The following NAALADL2 variants were observed in gnomAD, a reference collection of about 807,000 sequenced individuals.
NAALADL2 encodes the protein inactive N-acetylated-alpha-linked acidic dipeptidase-like protein 2.
Under a neutral mutation model 87.2 loss-of-function variants are expected in NAALADL2, and 76 were observed. That is an observed-to-expected ratio of 0.87 (90% CI 0.72 to 1.05). The LOEUF (loss-of-function observed/expected upper bound fraction) is 1.05, where lower values mean the gene tolerates loss of function less well. Among genes scored for constraint, NAALADL2 ranks in the 50% least tolerant of loss-of-function variants. The probability of loss-of-function intolerance (pLI) is 0.00; values close to 1 mark genes in which losing one functional copy is unlikely to be tolerated. For missense variants in NAALADL2, 1,089 were observed against 945.8 expected (o/e 1.15, Z -1.99); for synonymous variants, 354 against 331.0 (o/e 1.07, Z -0.75).
At chr3:174,881,167 C>G (rs144835872) in intron 1 of NAALADL2, among the ~76,000 whole-genome samples, 2 of 152,070 alleles carry the variant, frequency 1.3e-5, no homozygotes, top group Non-Finnish European at 2.9e-5. Context: ...GTGGACATAT[C>G]CTTTGAGGAG....
In NAALADL2 at chr3:175,133,470, G is replaced by A. The variant is rs193302149; in HGVS notation, c.545+36179G>A. Reference sequence around the variant, plus strand: ...TGAACCAGACTCCGTCTGCAATCCCGGCACCTTGGGATGCCGAGGCTGGCG... The same window carrying A: ...TGAACCAGACTCCGTCTGCAATCCCAGCACCTTGGGATGCCGAGGCTGGCG... On this transcript the variant is annotated intron_variant, in intron 2 of 13. Coordinates refer to ENST00000454872, the MANE Select transcript of NAALADL2 (RefSeq NM_207015.3). Among the ~76,000 whole-genome samples, 1,054 of 152,340 alleles carry A rather than the reference G, an allele frequency of 6.9e-3. 12 individuals are homozygous for A. Among genetic ancestry groups the A allele is most frequent in the African/African-American group, 0.024 (1,000 of 41,578 alleles).
At chr3:175,206,829 A>G (rs761001860) in intron 2 of NAALADL2, among the ~76,000 whole-genome samples, 3 of 152,138 alleles carry the variant, frequency 2.0e-5, no homozygotes, top group Non-Finnish European at 2.9e-5. Flanking sequence ...AATCCTTCCA[A>G]TCTGTTTAGC....
rs186604581 is a variant in NAALADL2, at chr3:174,882,691, G to A, written c.43+23241G>A. On this transcript the variant is annotated intron_variant, in intron 1 of 13. Coordinates refer to ENST00000454872, the MANE Select transcript of NAALADL2 (RefSeq NM_207015.3). Reference sequence around the variant, plus strand: ...TACACATATGTGTATATGTGTATCCGTGTATATACATGTGTATCTACACAT... The same window carrying A: ...TACACATATGTGTATATGTGTATCCATGTATATACATGTGTATCTACACAT... Among the ~76,000 whole-genome samples, 213 of 145,970 alleles carry A rather than the reference G, an allele frequency of 1.5e-3. 2 individuals carry two copies. The highest frequency in any genetic ancestry group is 2.3e-3 in the Non-Finnish European group (152 of 66,136).
At chr3:175,764,220 T>A (rs1017425466) in intron 13 of NAALADL2, among the ~76,000 whole-genome samples, 3 of 151,938 alleles carry the variant, frequency 2.0e-5, no homozygotes, top group African/African-American at 7.2e-5. Context: ...CATTCTTATG[T>A]ATGGTATTTC....
chr3:175,664,334 C>T (rs1732671319), intron 11 of NAALADL2, among the ~76,000 whole-genome samples: 1 of 152,028 alleles, frequency 6.6e-6, no homozygotes, highest in South Asian at 2.1e-4. Flanking sequence ...TGAGTTATTT[C>T]CTTGAATATA....
chr3:174,960,984 C>G (rs1003819017), intron 1 of NAALADL2, among the ~76,000 whole-genome samples: 2 of 150,720 alleles, frequency 1.3e-5, no homozygotes, highest in Admixed American at 6.7e-5. Flanking sequence ...CTGCATTCAG[C>G]TATGATCATG....
At chr3:175,314,562 A>AATAT (rs1758793925) in intron 4 of NAALADL2, among the ~76,000 whole-genome samples, 1 of 40,554 alleles carries the variant, frequency 2.5e-5, no homozygotes, top group South Asian at 7.9e-4. Context: ...TCACATTCTA[A>AATAT]CTATATATAT....
At chr3:175,072,676 A>G (rs1007591298) in intron 1 of NAALADL2, among the ~76,000 whole-genome samples, 1 of 113,030 alleles carries the variant, frequency 8.8e-6, no homozygotes, top group African/African-American at 3.5e-5. Flanking sequence ...TCCTAGGTTA[A>G]TTATTGAAAA....
intron 1 of NAALADL2, among the ~76,000 whole-genome samples, chr3:174,923,194 A>G (rs1735487860): frequency 1.3e-5 from 2 of 152,130 alleles, no homozygotes; most frequent in South Asian, 4.1e-4. Context: ...AAACACAGAA[A>G]CCAATAGCCA....
chr3:174,918,541 C>T (rs942294482), intron 1 of NAALADL2, among the ~76,000 whole-genome samples: 3 of 152,214 alleles, frequency 2.0e-5, no homozygotes, highest in Non-Finnish European at 1.5e-5. Flanking sequence ...TAGGTGATTG[C>T]GCTGATCAAG....
At chr3:175,578,323 T>G (rs1719211527) in intron 10 of NAALADL2, among the ~76,000 whole-genome samples, 2 of 151,694 alleles carry the variant, frequency 1.3e-5, no homozygotes, top group African/African-American at 4.8e-5. Flanking sequence ...CTGGGGATGG[T>G]GGGGAGGGCT....
chr3:175,756,788 A>G lies in NAALADL2; in HGVS notation c.2189+1370A>G, dbSNP rs539600333. On this transcript the variant is annotated intron_variant, in intron 13 of 13. Transcript: ENST00000454872. ...ATGTCCATGTAACAAACCTGCACAT[A>G]TACCTCCTGAATCTCTACAAATTTT... Among the ~76,000 whole-genome samples the G allele has an allele frequency of 3.0e-3, 449 of 152,136 alleles. 6 individuals carry two copies. The highest frequency in any genetic ancestry group is 4.4e-3 in the Non-Finnish European group (297 of 67,930).
chr3:175,391,325 T>C (rs781607893), intron 5 of NAALADL2, among the ~76,000 whole-genome samples: 1 of 152,196 alleles, frequency 6.6e-6, no homozygotes, highest in Non-Finnish European at 1.5e-5. Context: ...CCTTTCTAAT[T>C]AGAATACATA....
In NAALADL2 at chr3:175,495,094, T is replaced by TA. The variant is rs1167550415; in HGVS notation, c.1653+23336_1653+23337insA. Among the ~76,000 whole-genome samples, 552 of 133,278 alleles carry TA rather than the reference T, an allele frequency of 4.1e-3. 2 individuals carry two copies. The highest frequency in any genetic ancestry group is 0.012 in the African/African-American group (438 of 35,502). The allele number at this position is 133,278 out of a possible 152,430, so 87.4% of individuals were successfully genotyped here. A position where few individuals can be genotyped will look rare whatever the true frequency, so the allele number is the denominator to read the frequency against. Reference sequence around the variant, plus strand: ...ATCCCATATATATATATATATATATTTTTTTTTAATTTTAGATTATTTCTA... The same window carrying TA: ...ATCCCATATATATATATATATATATTATTTTTTTAATTTTAGATTATTTCTA... On this transcript the variant is annotated intron_variant, in intron 9 of 13. Coordinates refer to ENST00000454872, the MANE Select transcript of NAALADL2 (RefSeq NM_207015.3).
At chr3:174,512,959 A>ATTT (rs775660030) in intron 1 of NAALADL2, among the ~76,000 whole-genome samples, 3 of 137,674 alleles carry the variant, frequency 2.2e-5, no homozygotes, top group Non-Finnish European at 1.6e-5. Flanking sequence ...AATAAGCTTG[A>ATTT]TTTTTTTTTT....
intron 1 of NAALADL2, among the ~76,000 whole-genome samples, chr3:174,889,687 C>T (rs1337892454): frequency 2.0e-5 from 3 of 151,936 alleles, no homozygotes; most frequent in East Asian, 3.9e-4. Context: ...ACTAAATTGC[C>T]TTGCCTTTCC....
intron 3 of NAALADL2, among the ~76,000 whole-genome samples, chr3:174,759,702 A>C (rs898371553): frequency 6.7e-6 from 1 of 148,224 alleles, no homozygotes; most frequent in Non-Finnish European, 1.5e-5. Flanking sequence ...AATACAAATC[A>C]CTTTTTTTTT....
chr3:175,461,432 C>T (rs1203550514), intron 6 of NAALADL2, among the ~76,000 whole-genome samples: 1 of 152,144 alleles, frequency 6.6e-6, no homozygotes, highest in Non-Finnish European at 1.5e-5. Flanking sequence ...CTCCAAGTCC[C>T]CACTTGACCC....
chr3:175,745,756 C>T (rs1267904397), intron 12 of NAALADL2, among the ~76,000 whole-genome samples: 1 of 152,140 alleles, frequency 6.6e-6, no homozygotes, highest in Non-Finnish European at 1.5e-5. Flanking sequence ...AAATACAACC[C>T]TACCCTTGAA....
Sources: gnomAD v4.1 joint callset for allele counts (sites outside exome capture counted in the v4.1 genomes callset) on GRCh38, gnomAD v4.1.1 for gene constraint, MANE v1.5 for transcripts, NCBI Gene and HGNC (gene_info 2026-07-23, HGNC 2026-07-21) for gene names.